Variants in BDH1 observed in about 807,000 individuals in gnomAD.
BDH1 encodes D-beta-hydroxybutyrate dehydrogenase, mitochondrial.
Under a neutral mutation model 33.1 loss-of-function variants are expected in BDH1, and 30 were observed. That is an observed-to-expected ratio of 0.91 (90% CI 0.68 to 1.23). BDH1 has a LOEUF of 1.23. Among genes scored for constraint, BDH1 ranks in the 50% most tolerant of loss-of-function variants. BDH1 has a pLI of 0.00. For missense variants in BDH1, 443 were observed against 464.4 expected, an observed-to-expected ratio of 0.95 and a Z score of 0.42; for synonymous variants, 190 against 183.6, an observed-to-expected ratio of 1.03 and a Z score of -0.28.
chr3:197,516,235 G>A lies in BDH1; in HGVS notation c.410-1819C>T, dbSNP rs1712708931. Among the ~76,000 whole-genome samples, 1 of 152,046 alleles carries A rather than the reference G, an allele frequency of 6.6e-6. No individual in the cohort carries two copies. Among genetic ancestry groups the A allele is most frequent in the South Asian group, 2.1e-4 (1 of 4,822 alleles). ...CTCTCAAAGTACACTTAACTCTTAGGTGTCCTCATCTTCTTCATGTTTGTG... is the reference window on the plus strand; with the variant it reads ...CTCTCAAAGTACACTTAACTCTTAGATGTCCTCATCTTCTTCATGTTTGTG... On this transcript the variant is annotated intron_variant, in intron 6 of 7. Transcript: ENST00000392379. The surrounding 1 kb of genome is among the most constrained non-coding windows in gnomAD (Gnocchi z 4.2).
intron 1 of BDH1, among the ~76,000 whole-genome samples, chr3:197,569,528 G>A (rs993648787): frequency 3.3e-5 from 5 of 152,162 alleles, no homozygotes; most frequent in African/African-American, 1.2e-4. Context: ...TTGTGGGAGG[G>A]ACCTGGTGGG....
chr3:197,550,058 G>A (rs1579990440), intron 2 of BDH1, among the ~76,000 whole-genome samples: 2 of 151,530 alleles, frequency 1.3e-5, no homozygotes, highest in East Asian at 3.9e-4. Flanking sequence ...CTATACGTGG[G>A]AGCTTCCTTG....
intron 3 of BDH1, chr3:197,538,244 G>T (rs1715315374): frequency 2.2e-6 from 1 of 456,334 alleles, no homozygotes; most frequent in South Asian, 1.5e-5. Flanking sequence ...AATGACAAAT[G>T]AAGGAGGTAG....
chr3:197,560,727 C>T (rs760856202), upstream of BDH1, among the ~76,000 whole-genome samples: 2 of 152,178 alleles, frequency 1.3e-5, no homozygotes, highest in Non-Finnish European at 2.9e-5. Context: ...TCTTGGGGCC[C>T]CCACATCACT....
rs745542224 is a variant in BDH1, at chr3:197,511,914, T to C, written c.1013A>G (p.Asp338Gly). 1 of 1,565,942 alleles carries C rather than the reference T, an allele frequency of 6.4e-7. No homozygotes were observed. The highest frequency in any genetic ancestry group is 1.8e-5 in the Admixed American group (1 of 56,986). Residue 338 changes from aspartate (D) to glycine (G), a missense_variant, in exon 8 of 8, where the codon GAC becomes GGC. Coordinates refer to ENST00000392379, the MANE Select transcript of BDH1 (RefSeq NM_203314.3). ...IMTHLPGAIS[D>G]MIYIR ...GACTCTTCAGCGGATGTAGATCATG[T>C]CGGAGATGGCTCCAGGCAAGTGGGT... is the stretch of plus-strand genomic sequence containing the variant.
At chr3:197,559,105 C>T (rs1202054566), upstream of BDH1, among the ~76,000 whole-genome samples, 2 of 151,320 alleles carry the variant, frequency 1.3e-5, no homozygotes, top group African/African-American at 2.4e-5. Flanking sequence ...AGGGTTCAAG[C>T]GATTCTCCTG....
chr3:197,533,685 T>A, intron 3 of BDH1, 124 bp from the exon 4 acceptor site: 1 of 857,052 alleles, frequency 1.2e-6, no homozygotes, highest in Non-Finnish European at 1.9e-6. Context: ...CTGGTACAAC[T>A]GAGTAAGAGG....
intron 2 of BDH1, among the ~76,000 whole-genome samples, chr3:197,546,821 C>T (rs112090288): frequency 0.034 from 5,155 of 152,314 alleles, 291 homozygotes; most frequent in African/African-American, 0.12. Context: ...CACTGGGAGA[C>T]TCGGGGACCT....
At chr3:197,547,467 T>C (rs1314959906) in intron 2 of BDH1, among the ~76,000 whole-genome samples, 2 of 152,270 alleles carry the variant, frequency 1.3e-5, no homozygotes, top group Admixed American at 6.5e-5. Flanking sequence ...CAGTGTTAAC[T>C]GAGCAACCAC....
Position 197,528,058 on chromosome 3 carries a change from G to A in BDH1, c.267+4354C>T, listed in dbSNP as rs1387478702. Among the ~76,000 whole-genome samples the A allele has an allele frequency of 6.6e-6, 1 of 152,154 alleles. No homozygotes were observed. The highest frequency in any genetic ancestry group is 1.5e-5 in the Non-Finnish European group (1 of 68,030). On this transcript the variant is annotated intron_variant, in intron 5 of 7. Transcript: ENST00000392379. This position sits in a 1 kb window ranked among gnomAD's most constrained non-coding sequence, Gnocchi z 5.1. The stretch of plus-strand genomic sequence containing the variant: ...CCCTTGGAATATAAGCTCCGCAAGG[G>A]CAAGAACTTCTCACTGAGGTGTTAT...
At position 197,511,971 on chromosome 3, in the gene BDH1, T is replaced by A; in HGVS notation, c.956A>T (p.Asp319Val). The A allele has an allele frequency of 6.2e-7, 1 of 1,609,500 alleles. No homozygotes were observed. Among genetic ancestry groups the A allele is most frequent in the East Asian group, 2.2e-5 (1 of 44,864 alleles). The change falls in exon 8 of 8, where the codon GAC becomes GTC. Residue 319 changes from aspartate to valine, a missense_variant. Physicochemically the swap from Asp to Val is radical, Grantham distance 152. Coordinates refer to ENST00000392379, the MANE Select transcript of BDH1 (RefSeq NM_203314.3). ...CTGCATTCGCAGCCACCAGTAGTAG[T>A]CCATGGGGTGGTAGCGGGTGTAGGG... ...TTPYTRYHPMDYYWWLRMQIM... is the reference protein window; with the variant it reads ...TTPYTRYHPMVYYWWLRMQIM...
intron 3 of BDH1, among the ~76,000 whole-genome samples, chr3:197,536,856 C>T (rs937008915): frequency 6.6e-6 from 1 of 152,182 alleles, no homozygotes; most frequent in South Asian, 2.1e-4. Flanking sequence ...AAAAACCCAA[C>T]CAAACAAACA....
At chr3:197,518,883 T>A (rs1713185366) in intron 6 of BDH1, among the ~76,000 whole-genome samples, 6 of 63,672 alleles carry the variant, frequency 9.4e-5, no homozygotes, top group Admixed American at 1.9e-4. Context: ...TGCTCTATGG[T>A]CTCCATCCCC....
At chr3:197,571,767 A>C (rs1209598779) in intron 1 of BDH1, among the ~76,000 whole-genome samples, 1 of 152,224 alleles carries the variant, frequency 6.6e-6, no homozygotes, top group African/African-American at 2.4e-5. Flanking sequence ...ATACACATAT[A>C]AACTTTGAAA....
At chr3:197,530,637 T>C (rs891989777) in intron 5 of BDH1, 4 of 152,504 alleles carry the variant, frequency 2.6e-5, no homozygotes, top group Non-Finnish European at 4.4e-5. Context: ...AAGTTATTCA[T>C]TGTGGCATTA....
In BDH1 at chr3:197,522,524, A is replaced by G. The variant is rs1713660800; in HGVS notation, c.409+116T>C. 1.0e-5 allele frequency: 14 copies of G among 1,367,926 alleles called. No individual in the cohort carries two copies. The highest frequency in any genetic ancestry group is 1.3e-5 in the Non-Finnish European group (13 of 987,536). 84.7% of individuals were successfully genotyped at this position (1,367,926 alleles called of 1,614,324 possible). A position where few individuals can be genotyped will look rare whatever the true frequency, so the allele number is the denominator to read the frequency against. The stretch of plus-strand genomic sequence containing the variant: ...TCCTACTGTGCAGGAGGAAGAGCCT[A>G]AACAATAAGGAAGGGAGTGTGGTGG... On this transcript the variant is annotated intron_variant, in intron 6 of 7. Coordinates refer to ENST00000392379, the MANE Select transcript of BDH1 (RefSeq NM_203314.3). This position sits in a 1 kb window ranked among gnomAD's most constrained non-coding sequence, Gnocchi z 4.8.
At chr3:197,533,640 G>A (rs955342868) in intron 3 of BDH1, 79 bp from the exon 4 acceptor site, 9 of 1,415,722 alleles carry the variant, frequency 6.4e-6, no homozygotes, top group Non-Finnish European at 8.0e-6. Flanking sequence ...GCAGCACTGG[G>A]TGTCTCTCCA....
At chr3:197,530,540 C>T (rs983581417) in intron 5 of BDH1, 2 of 150,988 alleles carry the variant, frequency 1.3e-5, no homozygotes, top group African/African-American at 4.9e-5. Flanking sequence ...TGGGCCATTG[C>T]ACTCCAGCCT....
At chr3:197,547,812 C>T (rs1716211960) in intron 2 of BDH1, among the ~76,000 whole-genome samples, 1 of 152,242 alleles carries the variant, frequency 6.6e-6, no homozygotes, top group African/African-American at 2.4e-5. Context: ...ACTCCTTGCC[C>T]ACGTGAGGGC....
Sources: gnomAD v4.1 joint callset for allele counts (sites outside exome capture counted in the v4.1 genomes callset) on GRCh38, gnomAD v4.1.1 for gene constraint, Gnocchi (gnomAD v3.1) non-coding constraint, MANE v1.5 for transcripts, NCBI Gene and HGNC (gene_info 2026-07-23, HGNC 2026-07-21) for gene names.